SLC4A10: variants seen among roughly 807,000 people sequenced by gnomAD.
SLC4A10 encodes the protein solute carrier family 4 member 10.
SLC4A10 carries 42 observed loss-of-function variants against 137.7 expected under a neutral mutation model. The ratio of observed to expected loss-of-function variants is 0.30; its 90% CI spans 0.24 to 0.39. SLC4A10 has a LOEUF of 0.39. Among genes scored for constraint, SLC4A10 ranks in the 10% least tolerant of loss-of-function variants. The pLI, the probability that SLC4A10 is intolerant of heterozygous loss-of-function variation, is 1.00. For missense variants in SLC4A10, 925 were observed against 1,355.0 expected (o/e 0.68, Z 4.98); for synonymous variants, 474 against 464.1 (o/e 1.02, Z -0.27).
chr2:161,753,453 T>C (rs185412591), intron 1 of SLC4A10, among the ~76,000 whole-genome samples: 2 of 152,138 alleles, frequency 1.3e-5, no homozygotes, highest in Admixed American at 6.6e-5. Flanking sequence ...GGTTTTGGAG[T>C]TAGGCAGATC....
intron 1 of SLC4A10, among the ~76,000 whole-genome samples, chr2:161,768,411 C>T (rs1020785957): frequency 1.3e-5 from 2 of 152,012 alleles, no homozygotes; most frequent in African/African-American, 4.8e-5. Flanking sequence ...CACACTCATT[C>T]TGGTAAAAGA....
chr2:161,874,065 G>A, intron 8 of SLC4A10, 60 bp downstream of exon 8: 1 of 1,466,338 alleles, frequency 6.8e-7, no homozygotes, highest in South Asian at 1.2e-5. Flanking sequence ...ACTGTATGGA[G>A]GCATGTGATT....
intron 1 of SLC4A10, among the ~76,000 whole-genome samples, chr2:161,739,559 T>C (rs1358806071): frequency 1.3e-5 from 2 of 152,168 alleles, no homozygotes; most frequent in Non-Finnish European, 2.9e-5. Context: ...TTGCATCTTC[T>C]ACCAGGTAAG....
Position 161,862,997 on chromosome 2 carries a change from C to G in SLC4A10, c.701C>G (p.Pro234Arg), listed in dbSNP as rs1575340706. ...QNQKKLTNRI[P>R]IVRSFADIGK... The stretch of plus-strand genomic sequence containing the variant: ...CAGAAAAAACTCACCAACAGGATTC[C>G]CATTGTTCGTTCCTTTGCTGATATT... The change falls in exon 6 of 27, where the codon CCC (proline) becomes CGC (arginine). Residue 234 changes from proline (P) to arginine (R), a missense_variant. Around this residue, in one of 11 missense-constraint regions of SLC4A10, gnomAD observed 277 missense variants for 306.1 expected, o/e 0.90. Coordinates refer to ENST00000446997, the MANE Select transcript of SLC4A10 (RefSeq NM_001178015.2). 1 of 1,613,894 alleles carries G rather than the reference C, an allele frequency of 6.2e-7. No homozygotes were observed.
chr2:161,839,087 G>A (rs536790192), intron 3 of SLC4A10, among the ~76,000 whole-genome samples: 1 of 152,326 alleles, frequency 6.6e-6, no homozygotes, highest in South Asian at 2.1e-4. Flanking sequence ...GAATGCATAA[G>A]CAAAGAGTGG....
intron 15 of SLC4A10, among the ~76,000 whole-genome samples, chr2:161,931,648 T>C (rs1350697611): frequency 6.6e-6 from 1 of 152,208 alleles, no homozygotes; most frequent in African/African-American, 2.4e-5. Flanking sequence ...TAATTTAGAA[T>C]CAGTTGTGTC....
At chr2:161,804,740 A>T in intron 3 of SLC4A10, 145 bp downstream of exon 3, 1 of 630,656 alleles carries the variant, frequency 1.6e-6, no homozygotes. Flanking sequence ...GAAGTGGGAG[A>T]GATAAAGCTT....
rs923722394 is a variant in SLC4A10 at position 161,736,906 on chromosome 2, T to C, written c.49-34067T>C. ...TCTCACTCTGTCACCCAGGTTGGAG[T>C]GCAGTGTGCAGTGGCACAATCATTG... On this transcript the variant is annotated intron_variant, in intron 1 of 26. Coordinates refer to ENST00000446997, the MANE Select transcript of SLC4A10 (RefSeq NM_001178015.2). 9.2e-5 allele frequency among the ~76,000 whole-genome samples: 14 copies of C among 152,236 alleles called. No homozygotes were observed. In the East Asian group the frequency reaches 2.5e-3, roughly 27 times the overall value.
intron 3 of SLC4A10, among the ~76,000 whole-genome samples, chr2:161,817,355 A>T (rs1245098847): frequency 1.3e-5 from 2 of 152,046 alleles, no homozygotes; most frequent in Non-Finnish European, 2.9e-5. Context: ...AATTTGTTTA[A>T]GTTCATTGTA....
intron 1 of SLC4A10, among the ~76,000 whole-genome samples, chr2:161,693,859 A>C (rs149585210): frequency 6.6e-6 from 1 of 151,800 alleles, no homozygotes; most frequent in Non-Finnish European, 1.5e-5. Context: ...CATTTTCTCT[A>C]TCCATTCGTA....
chr2:161,790,291 G>A (rs1315065405), intron 2 of SLC4A10, among the ~76,000 whole-genome samples: 1 of 152,062 alleles, frequency 6.6e-6, no homozygotes, highest in Non-Finnish European at 1.5e-5. Flanking sequence ...TCTCCCATTG[G>A]AGACTACTTT....
Position 161,804,503 on chromosome 2 carries a change from A to G in SLC4A10, c.185A>G (p.His62Arg). Reference protein sequence around the residue: ...VHVPLGGRKSHRRHRHRGHKH... With the variant: ...VHVPLGGRKSRRRHRHRGHKH... ...GTGCCCTTGGGAGGAAGAAAAAGCC[A>G]TCGACGTCACAGGCATCGTGGTCAT... The change falls in exon 3 of 27, where the codon CAT (histidine) becomes CGT (arginine). Residue 62 changes from histidine to arginine, a missense_variant. Physicochemically the swap from His to Arg is conservative, Grantham distance 29. Transcript: ENST00000446997. 6.2e-7 allele frequency: 1 copy of G among 1,613,340 alleles called. No homozygotes were observed. The highest frequency in any genetic ancestry group is 8.5e-7 in the Non-Finnish European group (1 of 1,179,484).
At chr2:161,679,595 A>G (rs1434874262) in intron 1 of SLC4A10, among the ~76,000 whole-genome samples, 1 of 151,810 alleles carries the variant, frequency 6.6e-6, no homozygotes, top group African/African-American at 2.4e-5. Context: ...TCAGTTTCTC[A>G]TATTGAATCA....
chr2:161,852,024 G>A (rs1464590690), intron 4 of SLC4A10, among the ~76,000 whole-genome samples: 2 of 151,968 alleles, frequency 1.3e-5, no homozygotes, highest in African/African-American at 4.8e-5. Context: ...TGAGCAGCTG[G>A]GGCTACAGGC....
intron 9 of SLC4A10, among the ~76,000 whole-genome samples, chr2:161,881,258 A>T (rs2061757967): frequency 6.6e-6 from 1 of 152,044 alleles, no homozygotes; most frequent in Non-Finnish European, 1.5e-5. Flanking sequence ...TGGAAACCTG[A>T]AAAATAGCAA....
At position 161,938,181 on chromosome 2, in the gene SLC4A10, GA is replaced by G. The variant is rs1691932322; in HGVS notation, c.1998-4609del. On this transcript the variant is annotated intron_variant, in intron 15 of 26. Coordinates refer to ENST00000446997, the MANE Select transcript of SLC4A10 (RefSeq NM_001178015.2). ...AGCTATTCGGGAGGCTGAGGCACGA[GA>G]ATCGCTTGAACCTGGGAGGCGGAGG... Among the ~76,000 whole-genome samples the G allele has an allele frequency of 2.0e-5, 3 of 152,186 alleles. No homozygotes were observed. In the South Asian group the frequency reaches 6.2e-4, roughly 32 times the overall value.
intron 11 of SLC4A10, among the ~76,000 whole-genome samples, chr2:161,897,835 G>A (rs1166836907): frequency 1.3e-5 from 2 of 152,146 alleles, no homozygotes; most frequent in African/African-American, 4.8e-5. Flanking sequence ...AATGTTATTT[G>A]GAGAAATGCA....
intron 1 of SLC4A10, among the ~76,000 whole-genome samples, chr2:161,643,414 A>G (rs1310716176): frequency 6.6e-6 from 1 of 152,180 alleles, no homozygotes; most frequent in African/African-American, 2.4e-5. Context: ...ATTTTGAATT[A>G]CACATGCCAA....
intron 5 of SLC4A10, among the ~76,000 whole-genome samples, chr2:161,859,594 CTTTTTTT>C (rs72003642): frequency 2.7e-3 from 126 of 47,308 alleles, no homozygotes; most frequent in African/African-American, 6.6e-3. Context: ...CTTTTCTTTT[CTTTTTTT>C]TTTTTTTTTT....
Sources: gnomAD v4.1 joint callset for allele counts (sites outside exome capture counted in the v4.1 genomes callset) on GRCh38, gnomAD v4.1.1 for gene constraint, gnomAD v4.1.1 regional missense constraint, MANE v1.5 for transcripts, NCBI Gene and HGNC (gene_info 2026-07-23, HGNC 2026-07-21) for gene names.